ABCA12: variants seen among roughly 807,000 people sequenced by gnomAD.
The protein encoded by ABCA12 is ATP binding cassette subfamily A member 12.
Under a neutral mutation model 293.5 loss-of-function variants are expected in ABCA12, and 156 were observed. That is an observed-to-expected ratio of 0.53 (90% CI 0.47 to 0.61). The LOEUF is 0.61. Among genes scored for constraint, ABCA12 ranks in the 20% least tolerant of loss-of-function variants. The probability of loss-of-function intolerance (pLI) is 0.00; values close to 1 mark genes in which losing one functional copy is unlikely to be tolerated. For missense variants in ABCA12, 2,797 were observed against 3,090.2 expected (o/e 0.91, Z 2.25); for synonymous variants, 1,063 against 1,108.0 (o/e 0.96, Z 0.81).
chr2:215,031,756 A>C, intron 9 of ABCA12, 65 bp downstream of exon 9: 1 of 1,592,316 alleles, frequency 6.3e-7, no homozygotes, highest in African/African-American at 1.3e-5. Flanking sequence ...AATTATGTTT[A>C]GAAATTGTTT....
In ABCA12 at chr2:215,135,903, G is replaced by T. The variant is rs866961884; in HGVS notation, c.69+2237C>A. Reference sequence around the variant, plus strand: ...TGGAGAGACAGAGCTGACCCTAGGCGAAACTGTGAAGGAAATTTCTCTTTC... The same window carrying T: ...TGGAGAGACAGAGCTGACCCTAGGCTAAACTGTGAAGGAAATTTCTCTTTC... On this transcript the variant is annotated intron_variant, in intron 1 of 52. Transcript: ENST00000272895. 8.5e-5 allele frequency among the ~76,000 whole-genome samples: 13 copies of T among 152,100 alleles called. 1 individual carries two copies. The Middle Eastern group carries it at 9.5e-3, about 111-fold the overall frequency.
Position 214,966,948 on chromosome 2 carries a change from C to T in ABCA12, c.5784G>A (p.Trp1928Ter). 6.2e-7 allele frequency: 1 copy of T among 1,613,156 alleles called. No individual in the cohort carries two copies. The highest frequency in any genetic ancestry group is 8.5e-7 in the Non-Finnish European group (1 of 1,179,322). ...GGGAGTGATAGCCTTCTGGATCATA[C>T]CATACCTATTAAATTCCAAAAGAAG... Reference protein sequence around the residue: ...VPANRTLAKVWYDPEGYHSLP... With the variant: ...VPANRTLAKV The change falls in exon 39 of 53, where the codon TGG (tryptophan) becomes TGA (stop). Residue 1928 changes from tryptophan to a stop codon, truncating the protein, a stop_gained. Transcript: ENST00000272895. LOFTEE classifies it high-confidence loss of function.
chr2:215,136,167 G>A lies in ABCA12; in HGVS notation c.69+1973C>T, dbSNP rs146801320. Among the ~76,000 whole-genome samples the A allele has an allele frequency of 7.5e-3, 1,147 of 152,182 alleles. 13 individuals carry two copies. Among genetic ancestry groups the A allele is most frequent in the African/African-American group, 0.025 (1,028 of 41,518 alleles). On this transcript the variant is annotated intron_variant, in intron 1 of 52. Transcript: ENST00000272895. Reference sequence around the variant, plus strand: ...TTCCCTGTCCCAAAATGAACTAATGGCTCATGTATTCTCCCTCCCTAGGAA... The same window carrying A: ...TTCCCTGTCCCAAAATGAACTAATGACTCATGTATTCTCCCTCCCTAGGAA...
chr2:215,124,046 C>G (rs1285569391), intron 1 of ABCA12, among the ~76,000 whole-genome samples: 1 of 152,192 alleles, frequency 6.6e-6, no homozygotes, highest in African/African-American at 2.4e-5. Flanking sequence ...TGAGTTACTT[C>G]ACTTAGAATA....
chr2:214,997,597 A>G, intron 23 of ABCA12, 98 bp downstream of exon 23: 1 of 880,108 alleles, frequency 1.1e-6, no homozygotes, highest in Non-Finnish European at 1.8e-6. Flanking sequence ...CACAAGGGAT[A>G]AGTTAGGCTT....
intron 22 of ABCA12, among the ~76,000 whole-genome samples, chr2:214,999,421 C>A (rs1235334574): frequency 6.6e-6 from 1 of 152,010 alleles, no homozygotes; most frequent in Non-Finnish European, 1.5e-5. Context: ...GTTTTTTCAT[C>A]TGGAAAGTAT....
chr2:215,046,508 C>CGT (rs1004198615), intron 6 of ABCA12, among the ~76,000 whole-genome samples: 51 of 144,904 alleles, frequency 3.5e-4, no homozygotes, highest in African/African-American at 1.0e-3. Context: ...TATATAAGAG[C>CGT]GTGTGTGTGT....
rs750409003 is a variant in ABCA12, at chr2:214,953,937, T to G, written c.6564A>C (p.Ala2188=). The G allele has an allele frequency of 4.5e-5, 73 of 1,613,956 alleles. No individual in the cohort carries two copies. The highest frequency in any genetic ancestry group is 3.1e-5 in the Non-Finnish European group (36 of 1,179,986). The change falls in exon 44 of 53, where the codon GCA becomes GCC. Residue 2188 remains alanine (A), a synonymous_variant. Coordinates refer to ENST00000272895, the MANE Select transcript of ABCA12 (RefSeq NM_173076.3). ...NETFEMNKLG[A]MFVALVSQGT... ...CCTGAGAAACCAAAGCCACAAACAT[T>G]GCACCTAGTTTATTCATCTCAAAGG... is the stretch of plus-strand genomic sequence containing the variant.
At chr2:215,030,889 T>A (rs1700863577) in intron 9 of ABCA12, among the ~76,000 whole-genome samples, 1 of 152,226 alleles carries the variant, frequency 6.6e-6, no homozygotes, top group African/African-American at 2.4e-5. Flanking sequence ...CCTGTTTGTT[T>A]TTTTATTTGT....
At chr2:215,129,317 C>T (rs1165969207) in intron 1 of ABCA12, among the ~76,000 whole-genome samples, 1 of 152,182 alleles carries the variant, frequency 6.6e-6, no homozygotes, top group Non-Finnish European at 1.5e-5. Context: ...AGGTCTGTGT[C>T]TGATCTCAGG....
intron 2 of ABCA12, among the ~76,000 whole-genome samples, chr2:215,107,028 G>A (rs939770830): frequency 1.3e-5 from 2 of 152,146 alleles, no homozygotes; most frequent in Non-Finnish European, 2.9e-5. Context: ...TGCACAGTAT[G>A]ATTTCCATTG....
rs764899391 is a variant in ABCA12 at position 214,937,590 on chromosome 2, C to T, written c.7462G>A (p.Val2488Ile). 35 of 1,613,734 alleles carry T rather than the reference C, an allele frequency of 2.2e-5. No individual in the cohort carries two copies. Among genetic ancestry groups the T allele is most frequent in the Non-Finnish European group, 2.9e-5 (34 of 1,179,830 alleles). The stretch of plus-strand genomic sequence containing the variant: ...GTCACTTTGTTATTCTTCAAGTGAA[C>T]TTTGACAGTAAATCCTCGTCCAAAC... The part of the protein sequence containing the change: ...SRFGRGFTVK[V>I]HLKNNKVTME... Residue 2488 changes from valine (V) to isoleucine (I), a missense_variant, in exon 51 of 53, where the codon GTT (valine) becomes ATT (isoleucine). By Grantham distance (29) the Val-to-Ile change is conservative. Around this residue, in one of 3 missense-constraint regions of ABCA12, gnomAD observed 2,130 missense variants for 2,427.0 expected, o/e 0.88. Transcript: ENST00000272895.
At position 215,000,921 on chromosome 2, in the gene ABCA12, C is replaced by T. The variant is rs764583079; in HGVS notation, c.2963G>A (p.Ser988Asn). ...TCTTGTGGTCTGTGCGGTCTTGAGA[C>T]TCATCCGGATGGTATATTTTATGAC... ...PPVIKYTIRM[S>N]LKTAQTTRSL... Residue 988 changes from serine to asparagine, a missense_variant, in exon 22 of 53, where the codon AGT becomes AAT. Coordinates refer to ENST00000272895, the MANE Select transcript of ABCA12 (RefSeq NM_173076.3). 6.2e-7 allele frequency: 1 copy of T among 1,614,096 alleles called. No individual in the cohort carries two copies. The highest frequency in any genetic ancestry group is 1.1e-5 in the South Asian group (1 of 91,078).
At chr2:214,958,582 C>G (rs1699023346) in intron 40 of ABCA12, 128 bp from the exon 41 acceptor site, 2 of 928,958 alleles carry the variant, frequency 2.2e-6, no homozygotes, top group Non-Finnish European at 3.4e-6. Context: ...ATAAGGCATC[C>G]TGCAAGGCAG....
intron 2 of ABCA12, among the ~76,000 whole-genome samples, chr2:215,087,078 G>A (rs1358651458): frequency 6.6e-6 from 1 of 152,058 alleles, no homozygotes; most frequent in African/African-American, 2.4e-5. Flanking sequence ...AAGTAGCTGG[G>A]ATTACAGGCA....
chr2:215,055,313 C>T (rs993286882), intron 3 of ABCA12, among the ~76,000 whole-genome samples: 1 of 152,062 alleles, frequency 6.6e-6, no homozygotes, highest in Non-Finnish European at 1.5e-5. Flanking sequence ...AACATGATCA[C>T]ACTAGGTTTT....
Position 215,138,382 on chromosome 2 carries a change from C to A in ABCA12, c.-174G>T. ...GTTCTTCTGTTTCTGCTGGATTTTT[C>A]CCTGTGGTTAATCCTTAACCAAGAG... On this transcript the variant is annotated 5_prime_UTR_variant, in exon 1 of 53. Transcript: ENST00000272895. The A allele has an allele frequency of 1.4e-6, 1 of 702,888 alleles. No homozygotes were observed. 43.5% of individuals were successfully genotyped at this position (702,888 alleles called of 1,614,324 possible). A position where few individuals can be genotyped will look rare whatever the true frequency, so the allele number is the denominator to read the frequency against.
At chr2:214,951,157 G>A (rs1698754348) in intron 44 of ABCA12, 74 bp from the exon 45 acceptor site, 3 of 1,323,232 alleles carry the variant, frequency 2.3e-6, no homozygotes, top group Non-Finnish European at 3.3e-6. Flanking sequence ...GTTTTGATGG[G>A]TTTTCATGTC....
At position 215,079,910 on chromosome 2, in the gene ABCA12, C is replaced by T. The variant is rs1701904850; in HGVS notation, c.164-15691G>A. ...TTAGATATATCGACAGGATTAATAC[C>T]AAAATACTGGTTGGGGATAAATAGA... On this transcript the variant is annotated intron_variant, in intron 2 of 52. Transcript: ENST00000272895. Among the ~76,000 whole-genome samples, 3 of 152,032 alleles carry T rather than the reference C, an allele frequency of 2.0e-5. No homozygotes were observed. In the South Asian group the frequency reaches 6.2e-4, roughly 32 times the overall value.
Sources: gnomAD v4.1 joint callset for allele counts (sites outside exome capture counted in the v4.1 genomes callset) on GRCh38, gnomAD v4.1.1 for gene constraint, gnomAD v4.1.1 regional missense constraint, MANE v1.5 for transcripts, NCBI Gene and HGNC (gene_info 2026-07-23, HGNC 2026-07-21) for gene names.